Variants in KLHL29 observed in about 807,000 individuals in gnomAD.
KLHL29 encodes the protein kelch like family member 29, also known as kelch-like protein 29.
Under a neutral mutation model 80.4 loss-of-function variants are expected in KLHL29, and 21 were observed. The ratio of observed to expected loss-of-function variants is 0.26; its 90% CI spans 0.19 to 0.38. KLHL29 has a LOEUF of 0.38. KLHL29 is among the 10% of genes least tolerant of loss of function. KLHL29 has a pLI of 1.00. For missense variants in KLHL29, 867 were observed against 1,223.9 expected (o/e 0.71, Z 4.35); for synonymous variants, 511 against 526.8 (o/e 0.97, Z 0.41).
chr2:23,465,248 T>A (rs1295152593), intron 1 of KLHL29, among the ~76,000 whole-genome samples: 3 of 152,188 alleles, frequency 2.0e-5, no homozygotes, highest in Non-Finnish European at 2.9e-5. Flanking sequence ...CCTGGCAGCG[T>A]TTGGGTGCTG....
At chr2:23,416,101 A>G (rs1350703837) in intron 1 of KLHL29, among the ~76,000 whole-genome samples, 2 of 152,148 alleles carry the variant, frequency 1.3e-5, no homozygotes, top group Non-Finnish European at 2.9e-5. Context: ...CATGGCAACA[A>G]GCACCTGAGG....
intron 1 of KLHL29, among the ~76,000 whole-genome samples, chr2:23,421,870 TG>T (rs1479179629): frequency 2.0e-5 from 3 of 152,078 alleles, no homozygotes; most frequent in Non-Finnish European, 4.4e-5. Flanking sequence ...TGTGTATTTC[TG>T]TATGTATGTG....
At chr2:23,631,567 CA>C (rs561815757) in intron 3 of KLHL29, among the ~76,000 whole-genome samples, 278 of 152,338 alleles carry the variant, frequency 1.8e-3, no homozygotes, top group African/African-American at 5.3e-3. Flanking sequence ...GGCCTGGGGC[CA>C]GGGGGCCAGA....
intron 2 of KLHL29, among the ~76,000 whole-genome samples, chr2:23,520,046 C>T (rs533034016): frequency 1.3e-5 from 2 of 152,096 alleles, no homozygotes; most frequent in Admixed American, 1.3e-4. Flanking sequence ...TTTTGGAGGC[C>T]CCAAGATATT....
At chr2:23,422,008 T>C (rs1448722902) in intron 1 of KLHL29, among the ~76,000 whole-genome samples, 1 of 151,756 alleles carries the variant, frequency 6.6e-6, no homozygotes, top group African/African-American at 2.4e-5. Flanking sequence ...TGTCAGTGTA[T>C]CTGTGTGTCA....
At chr2:23,692,003 A>C (rs1337421339) in intron 7 of KLHL29, 127 bp downstream of exon 7, 1 of 872,182 alleles carries the variant, frequency 1.1e-6, no homozygotes, top group Non-Finnish European at 1.8e-6. Flanking sequence ...CATGTGGCTG[A>C]GTTTGGCAGG....
chr2:23,587,434 G>A (rs1668148596), intron 3 of KLHL29, among the ~76,000 whole-genome samples: 1 of 152,070 alleles, frequency 6.6e-6, no homozygotes, highest in South Asian at 2.1e-4. Flanking sequence ...GAAATTTGCT[G>A]TTCTCAAGCC....
rs1380243396 is a variant in KLHL29, at chr2:23,703,356, G to C, written c.2276G>C (p.Ser759Thr). 6.6e-7 allele frequency: 1 copy of C among 1,517,772 alleles called. No homozygotes were observed. The highest frequency in any genetic ancestry group is 2.5e-5 in the East Asian group (1 of 40,590). 94.0% of individuals were successfully genotyped at this position (1,517,772 alleles called of 1,614,324 possible). Residue 759 changes from serine (S) to threonine (T), a missense_variant, in exon 12 of 14, where the codon AGC becomes ACC. This residue lies in a region of KLHL29 where 443 missense variants were observed against 767.0 expected (regional missense o/e 0.58). Coordinates refer to ENST00000486442, the MANE Select transcript of KLHL29 (RefSeq NM_052920.2). Reference protein sequence around the residue: ...QSYVPQTNTWSFIESPMIDNK... With the variant: ...QSYVPQTNTWTFIESPMIDNK... ...TACGTTCCTCAGACCAACACGTGGA[G>C]CTTCATCGAGTCCCCAATGATTGGT...
chr2:23,396,832 A>G (rs1249136275), intron 1 of KLHL29, among the ~76,000 whole-genome samples: 2 of 152,214 alleles, frequency 1.3e-5, no homozygotes, highest in Non-Finnish European at 2.9e-5. Flanking sequence ...ATGGCTTCAT[A>G]TGATGTGGGG....
At chr2:23,640,446 C>T (rs554587977) in intron 4 of KLHL29, among the ~76,000 whole-genome samples, 28 of 152,146 alleles carry the variant, frequency 1.8e-4, no homozygotes, top group African/African-American at 5.8e-4. Context: ...CCACCCATTA[C>T]GCTTTGAAGT....
At chr2:23,683,753 G>A (rs946176017) in intron 5 of KLHL29, among the ~76,000 whole-genome samples, 1 of 152,202 alleles carries the variant, frequency 6.6e-6, no homozygotes, top group South Asian at 2.1e-4. Flanking sequence ...CTGGGACATG[G>A]GAGGAGGCGC....
chr2:23,492,085 TC>T (rs1665120372), intron 2 of KLHL29, among the ~76,000 whole-genome samples: 1 of 152,116 alleles, frequency 6.6e-6, no homozygotes. Flanking sequence ...CAGCGGGAGC[TC>T]TAGGATGCAG....
chr2:23,578,864 T>C (rs1001411619), intron 3 of KLHL29, among the ~76,000 whole-genome samples: 2 of 152,210 alleles, frequency 1.3e-5, no homozygotes, highest in African/African-American at 4.8e-5. Context: ...GCAATAGTAC[T>C]CAACAGTCTA....
chr2:23,644,270 T>C (rs1164995907), intron 5 of KLHL29: 1 of 127,360 alleles, frequency 7.9e-6, no homozygotes, highest in African/African-American at 2.7e-5. Context: ...TCTGTCTCCC[T>C]TTAAAAAAAA....
intron 1 of KLHL29, among the ~76,000 whole-genome samples, chr2:23,467,675 A>G (rs1435971939): frequency 6.6e-6 from 1 of 152,188 alleles, no homozygotes; most frequent in East Asian, 1.9e-4. Flanking sequence ...GGAAAGGCAG[A>G]ATCATGAAAT....
intron 1 of KLHL29, among the ~76,000 whole-genome samples, chr2:23,386,105 G>A (rs937309082): frequency 2.0e-5 from 3 of 152,086 alleles, no homozygotes; most frequent in Non-Finnish European, 2.9e-5. Flanking sequence ...ACCCCTGGCC[G>A]GAGCAGCCCC....
In KLHL29 at chr2:23,421,637, CTG is replaced by C. The variant is rs1466660725; in HGVS notation, c.-154+35863_-154+35864del. Among the ~76,000 whole-genome samples the C allele has an allele frequency of 2.9e-5, 4 of 139,932 alleles. No homozygotes were observed. In the Admixed American group the frequency reaches 2.9e-4, roughly 10 times the overall value. The allele number at this position is 139,932 out of a possible 152,430, so 91.8% of individuals were successfully genotyped here. On this transcript the variant is annotated intron_variant, in intron 1 of 13. Coordinates refer to ENST00000486442, the MANE Select transcript of KLHL29 (RefSeq NM_052920.2). ...TGTGTCTGAGTGTGTGTTCATGTGC[CTG>C]TGTGTCTTGGTGTGTGAACCTGTGT...
intron 3 of KLHL29, among the ~76,000 whole-genome samples, chr2:23,609,623 A>T (rs1259246357): frequency 1.3e-5 from 2 of 152,068 alleles, no homozygotes; most frequent in Non-Finnish European, 2.9e-5. Flanking sequence ...GAGATGGGTA[A>T]TAGTGAGAAA....
intron 5 of KLHL29, among the ~76,000 whole-genome samples, chr2:23,658,371 G>T (rs1017431210): frequency 6.6e-6 from 1 of 152,168 alleles, no homozygotes; most frequent in Non-Finnish European, 1.5e-5. Flanking sequence ...GGCTGACAGG[G>T]TGACAAGATC....
Sources: allele counts gnomAD v4.1 joint callset (sites outside exome capture counted in the v4.1 genomes callset), GRCh38; gene constraint gnomAD v4.1.1; regional missense constraint gnomAD v4.1.1; transcripts MANE v1.5; gene names NCBI Gene and HGNC (gene_info 2026-07-23, HGNC 2026-07-21).